Variants in ADGRL2 observed in about 807,000 individuals in gnomAD.
The protein encoded by ADGRL2 is calcium-independent alpha-latrotoxin receptor 2.
Under a neutral mutation model 157.4 loss-of-function variants are expected in ADGRL2, and 44 were observed. The ratio of observed to expected loss-of-function variants is 0.28; its 90% CI spans 0.22 to 0.36. The LOEUF is 0.36. Among genes scored for constraint, ADGRL2 ranks in the 10% least tolerant of loss-of-function variants. The probability of loss-of-function intolerance (pLI) is 1.00; values close to 1 mark genes in which losing one functional copy is unlikely to be tolerated. For synonymous variants in ADGRL2, 585 were observed against 624.7 expected, an observed-to-expected ratio of 0.94 and a Z score of 0.95; for missense variants, 1,510 against 1,768.9, an observed-to-expected ratio of 0.85 and a Z score of 2.63.
chr1:81,643,691 G>C (rs2082263230), intron 3 of ADGRL2, among the ~76,000 whole-genome samples: 1 of 152,094 alleles, frequency 6.6e-6, no homozygotes, highest in Non-Finnish European at 1.5e-5. Context: ...AAATGTAACA[G>C]AATATGTACA....
At chr1:81,502,769 G>A (rs952221282) in intron 2 of ADGRL2, 1 of 1,613,260 alleles carries the variant, frequency 6.2e-7, no homozygotes, top group Middle Eastern at 1.8e-4. Flanking sequence ...GAGAGCCGGC[G>A]GCCCAGCTAC....
At chr1:81,316,495 G>A (rs1375349946) in intron 1 of ADGRL2, among the ~76,000 whole-genome samples, 3 of 152,094 alleles carry the variant, frequency 2.0e-5, no homozygotes, top group Admixed American at 6.6e-5. Flanking sequence ...TGTGTTTTAG[G>A]CCAATCATAT....
rs142019497 is a variant in ADGRL2, at chr1:81,916,662, C to T, written c.287+9432C>T. Among the ~76,000 whole-genome samples, 961 of 151,974 alleles carry T rather than the reference C, an allele frequency of 6.3e-3. 9 individuals are homozygous for T. Among genetic ancestry groups the T allele is most frequent in the African/African-American group, 0.022 (914 of 41,502 alleles). On this transcript the variant is annotated intron_variant, in intron 3 of 23. Coordinates refer to ENST00000686636, the MANE Select transcript of ADGRL2 (RefSeq NM_001366006.2). ...TGGCATTTTTATTAGGAAAATAATA[C>T]ATGTGTTTATTAAAGCTTTGGAATA...
At chr1:81,628,425 T>G (rs964121070) in intron 3 of ADGRL2, among the ~76,000 whole-genome samples, 2 of 152,154 alleles carry the variant, frequency 1.3e-5, no homozygotes, top group Non-Finnish European at 2.9e-5. Flanking sequence ...TAACTAAATG[T>G]CCAGCCTTGA....
intron 2 of ADGRL2, among the ~76,000 whole-genome samples, chr1:81,902,289 T>G (rs767100623): frequency 2.0e-5 from 3 of 152,122 alleles, no homozygotes; most frequent in Non-Finnish European, 2.9e-5. Context: ...TGGAAATATT[T>G]CTTACCATAT....
At chr1:81,375,875 T>C (rs1042655853) in intron 1 of ADGRL2, among the ~76,000 whole-genome samples, 5 of 152,204 alleles carry the variant, frequency 3.3e-5, no homozygotes, top group African/African-American at 9.7e-5. Context: ...TCAAAATGCT[T>C]CATTCTATTT....
chr1:81,640,430 C>T (rs912102121), intron 3 of ADGRL2, among the ~76,000 whole-genome samples: 9 of 151,840 alleles, frequency 5.9e-5, no homozygotes, highest in African/African-American at 7.3e-5. Context: ...GTCAGAAGAT[C>T]GAGACCATCC....
intron 1 of ADGRL2, among the ~76,000 whole-genome samples, chr1:81,346,036 G>T (rs951444539): frequency 6.6e-6 from 1 of 152,084 alleles, no homozygotes; most frequent in Non-Finnish European, 1.5e-5. Context: ...GCAATACTTT[G>T]CCTTTCCATA....
intron 17 of ADGRL2, among the ~76,000 whole-genome samples, chr1:81,973,017 A>C (rs919204086): frequency 6.6e-6 from 1 of 151,966 alleles, no homozygotes; most frequent in African/African-American, 2.4e-5. Context: ...AGTTTTTCTT[A>C]CTTTTTTTTC....
At chr1:81,368,737 T>G (rs2076110263) in intron 1 of ADGRL2, among the ~76,000 whole-genome samples, 1 of 152,172 alleles carries the variant, frequency 6.6e-6, no homozygotes, top group Non-Finnish European at 1.5e-5. Context: ...ACTGTCCCAC[T>G]ACCTCTATGC....
chr1:81,482,313 G>A (rs929256425), intron 2 of ADGRL2, among the ~76,000 whole-genome samples: 1 of 152,148 alleles, frequency 6.6e-6, no homozygotes, highest in African/African-American at 2.4e-5. Flanking sequence ...TCCTAATGGA[G>A]GATTCATTTC....
rs1033750524 is a variant in ADGRL2, at chr1:81,482,472, A to G, written c.-248+37383A>G. On this transcript the variant is annotated intron_variant, in intron 2 of 24. Transcript: ENST00000370721. ...TTATTTTAAAATAAGGCGAATAGCT[A>G]TTGATACTTAAATACTTAATTTTGC... Among the ~76,000 whole-genome samples, 8 of 8,666 alleles carry G rather than the reference A, an allele frequency of 9.2e-4. No individual in the cohort carries two copies. In the Non-Finnish European group the frequency reaches 0.033, roughly 36 times the overall value. 5.7% of individuals were successfully genotyped at this position (8,666 alleles called of 152,430 possible). A position where few individuals can be genotyped will look rare whatever the true frequency, so the allele number is the denominator to read the frequency against.
intron 2 of ADGRL2, among the ~76,000 whole-genome samples, chr1:81,783,945 T>G (rs1332050594): frequency 2.6e-5 from 4 of 152,160 alleles, no homozygotes; most frequent in Admixed American, 2.6e-4. Context: ...ACAACAACAT[T>G]ATAAGACACA....
chr1:81,774,817 ATATGT>A (rs1419928348), intron 2 of ADGRL2, among the ~76,000 whole-genome samples: 2 of 152,168 alleles, frequency 1.3e-5, no homozygotes, highest in African/African-American at 2.4e-5. Flanking sequence ...TAACATATAT[ATATGT>A]TATGTTATAT....
chr1:81,846,549 TA>T (rs1046039987), intron 2 of ADGRL2, among the ~76,000 whole-genome samples: 12 of 151,634 alleles, frequency 7.9e-5, no homozygotes, highest in African/African-American at 2.9e-4. Context: ...GGATTTAATC[TA>T]AAAAAAGGAT....
At chr1:81,471,513 A>C (rs377665376) in intron 2 of ADGRL2, among the ~76,000 whole-genome samples, 1 of 152,302 alleles carries the variant, frequency 6.6e-6, no homozygotes, top group African/African-American at 2.4e-5. Flanking sequence ...TGATTAAATA[A>C]CGTACTCCCT....
chr1:81,630,690 G>C (rs2081995174), intron 3 of ADGRL2, among the ~76,000 whole-genome samples: 1 of 152,106 alleles, frequency 6.6e-6, no homozygotes, highest in Non-Finnish European at 1.5e-5. Context: ...TTGATTAGCA[G>C]CCTAAAGGAA....
intron 2 of ADGRL2, among the ~76,000 whole-genome samples, chr1:81,568,385 C>T (rs2080610683): frequency 6.6e-6 from 1 of 152,084 alleles, no homozygotes; most frequent in South Asian, 2.1e-4. Flanking sequence ...TGCACACATC[C>T]TATTAATCCC....
At chr1:81,837,947 T>A (rs951023961) in intron 2 of ADGRL2, among the ~76,000 whole-genome samples, 1 of 151,980 alleles carries the variant, frequency 6.6e-6, no homozygotes, top group Non-Finnish European at 1.5e-5. Flanking sequence ...TTGTGAAGGG[T>A]ATAAAATCTC....
Sources: allele counts gnomAD v4.1 joint callset (sites outside exome capture counted in the v4.1 genomes callset), GRCh38; gene constraint gnomAD v4.1.1; transcripts MANE v1.5; gene names NCBI Gene and HGNC (gene_info 2026-07-23, HGNC 2026-07-21).